BARX2: variants seen among roughly 807,000 people sequenced by gnomAD.
BARX2 encodes BARX homeobox 2, also known as homeobox protein BarH-like 2.
In BARX2, 11 loss-of-function variants were observed where a neutral mutation model predicts 25.5. The observed-to-expected ratio is 0.43, with a 90% CI of 0.27 to 0.71. The LOEUF is 0.71. Ranked by LOEUF, BARX2 falls within the 30% of genes least tolerant of loss-of-function variation. BARX2 has a pLI of 0.19. For synonymous variants in BARX2, 137 were observed against 149.5 expected, an observed-to-expected ratio of 0.92 and a Z score of 0.61; for missense variants, 360 against 359.9, an observed-to-expected ratio of 1.00 and a Z score of 0.00.
At chr11:129,441,458 T>C (rs1862257772) in intron 2 of BARX2, among the ~76,000 whole-genome samples, 1 of 152,180 alleles carries the variant, frequency 6.6e-6, no homozygotes. Context: ...TTTTATTTAT[T>C]TATTTATTTT....
chr11:129,399,432 A>G (rs111641884), intron 1 of BARX2, among the ~76,000 whole-genome samples: 227 of 152,186 alleles, frequency 1.5e-3, no homozygotes, highest in African/African-American at 5.3e-3. Flanking sequence ...TCAGTATGTT[A>G]TCCGGGCTGG....
chr11:129,421,942 G>A (rs1310752134), intron 1 of BARX2, among the ~76,000 whole-genome samples: 1 of 151,998 alleles, frequency 6.6e-6, no homozygotes, highest in Non-Finnish European at 1.5e-5. Context: ...ATTCAGTTTG[G>A]ATCACATTGG....
chr11:129,437,043 C>T lies in BARX2; in HGVS notation c.480C>T (p.Thr160=), dbSNP rs142948782. 6 of 1,569,268 alleles carry T rather than the reference C, an allele frequency of 3.8e-6. No individual in the cohort carries two copies. The highest frequency in any genetic ancestry group is 3.5e-5 in the Admixed American group (2 of 56,410). Reference sequence around the variant, plus strand: ...TCCAGAAGCAGAAGTATTTGTCAACCCCAGACAGGTGAGGACGCAGGGAAG... The same window carrying T: ...TCCAGAAGCAGAAGTATTTGTCAACTCCAGACAGGTGAGGACGCAGGGAAG... The part of the protein sequence containing the change: ...KKFQKQKYLS[T]PDRLDLAQSL... Residue 160 remains threonine (T), a synonymous_variant, in exon 2 of 4, where the codon ACC becomes ACT. Transcript: ENST00000281437.
At chr11:129,392,643 G>A (rs554049297) in intron 1 of BARX2, among the ~76,000 whole-genome samples, 60 of 152,092 alleles carry the variant, frequency 3.9e-4, no homozygotes, top group African/African-American at 7.5e-4. Flanking sequence ...ACAGAGTCTC[G>A]CTCTGTTGCC....
At chr11:129,406,262 C>G (rs1175984224) in intron 1 of BARX2, among the ~76,000 whole-genome samples, 2 of 152,180 alleles carry the variant, frequency 1.3e-5, no homozygotes, top group African/African-American at 4.8e-5. Flanking sequence ...TACAGTAATC[C>G]TACAGCAAGT....
intron 1 of BARX2, among the ~76,000 whole-genome samples, chr11:129,422,891 T>C (rs1315520849): frequency 6.6e-6 from 1 of 151,726 alleles, no homozygotes. Flanking sequence ...TTAATAGAGA[T>C]GGGGTTTCAC....
At chr11:129,400,726 G>A (rs1861766820) in intron 1 of BARX2, among the ~76,000 whole-genome samples, 1 of 152,168 alleles carries the variant, frequency 6.6e-6, no homozygotes, top group African/African-American at 2.4e-5. Context: ...TAAGATTGAA[G>A]GCAGGAGAGC....
intron 1 of BARX2, among the ~76,000 whole-genome samples, chr11:129,432,472 A>G (rs1433196440): frequency 6.6e-6 from 1 of 152,262 alleles, no homozygotes; most frequent in East Asian, 1.9e-4. Flanking sequence ...GAAAATTGAC[A>G]TAAAGCGAGA....
At position 129,376,201 on chromosome 11, in the gene BARX2, A is replaced by G. The variant is rs1172414192; in HGVS notation, c.166A>G (p.Lys56Glu). 6.2e-7 allele frequency: 1 copy of G among 1,608,578 alleles called. No homozygotes were observed. Among genetic ancestry groups the G allele is most frequent in the Admixed American group, 1.7e-5 (1 of 59,386 alleles). Residue 56 changes from lysine (K) to glutamate (E), a missense_variant, in exon 1 of 4, where the codon AAG becomes GAG. Physicochemically the swap from Lys to Glu is moderately conservative, Grantham distance 56. Around this residue, in one of 3 missense-constraint regions of BARX2, gnomAD observed 240 missense variants for 228.7 expected, o/e 1.05. Transcript: ENST00000281437. This position sits in a 1 kb window ranked among gnomAD's most constrained non-coding sequence, Gnocchi z 4.2. ...SVCPSLVVRP[K>E]PLHSCTGSPS... ...GTGCCCGTCGCTGGTCGTGCGACCC[A>G]AGCCCCTGCATTCCTGTACGGGTAA...
chr11:129,415,175 G>C (rs1257153559), intron 1 of BARX2, among the ~76,000 whole-genome samples: 1 of 152,112 alleles, frequency 6.6e-6, no homozygotes, highest in Non-Finnish European at 1.5e-5. Flanking sequence ...CCCTATGATA[G>C]GTCCTGTAAT....
chr11:129,451,246 C>A lies in BARX2; in HGVS notation c.684C>A (p.Ala228=). 6.2e-7 allele frequency: 1 copy of A among 1,614,112 alleles called. No individual in the cohort carries two copies. The highest frequency in any genetic ancestry group is 8.5e-7 in the Non-Finnish European group (1 of 1,180,012). ...CTGAAGAGAAGATGAACAGCCAGGC[C>A]CAGGGTCAGGAGCAGCTGGAGCCCT... ...IEAEEKMNSQ[A]QGQEQLEPSQ... is the part of the protein sequence containing the mutation. Residue 228 remains alanine (A), a synonymous_variant, in exon 4 of 4, where the codon GCC becomes GCA. Transcript: ENST00000281437.
At position 129,375,862 on chromosome 11, in the gene BARX2, A is replaced by T. The variant is rs1408422738; in HGVS notation, c.-174A>T. 2 of 170,136 alleles carry T rather than the reference A, an allele frequency of 1.2e-5. No homozygotes were observed. The highest frequency in any genetic ancestry group is 2.4e-5 in the Non-Finnish European group (2 of 84,716). The allele number at this position is 170,136 out of a possible 1,614,324, so 10.5% of individuals were successfully genotyped here. A position where few individuals can be genotyped will look rare whatever the true frequency, so the allele number is the denominator to read the frequency against. Reference sequence around the variant, plus strand: ...GATGCTGATCTGCGGGTGGGTCTAGACGCGCGGCAGGCGCGCCCGCTACCC... The same window carrying T: ...GATGCTGATCTGCGGGTGGGTCTAGTCGCGCGGCAGGCGCGCCCGCTACCC... On this transcript the variant is annotated 5_prime_UTR_variant, in exon 1 of 4. Transcript: ENST00000281437. The surrounding 1 kb of genome is among the most constrained non-coding windows in gnomAD (Gnocchi z 4.0).
At chr11:129,387,064 T>C (rs1340994112) in intron 1 of BARX2, among the ~76,000 whole-genome samples, 2 of 152,204 alleles carry the variant, frequency 1.3e-5, no homozygotes, top group Admixed American at 6.5e-5. Flanking sequence ...GTTCAGACTT[T>C]CGCGGGTTAC....
Position 129,436,575 on chromosome 11 carries a change from G to A in BARX2, c.188-176G>A. 3.0e-6 allele frequency: 2 copies of A among 674,536 alleles called. No individual in the cohort carries two copies. Among genetic ancestry groups the A allele is most frequent in the Admixed American group, 5.0e-5 (2 of 40,220 alleles). The allele number at this position is 674,536 out of a possible 1,614,324, so 41.8% of individuals were successfully genotyped here. A position where few individuals can be genotyped will look rare whatever the true frequency, so the allele number is the denominator to read the frequency against. ...CACACAGAGCAGAGCAGACCTCTGT[G>A]CCTGCCCTGCAGCTGTAGGTCTTGA... On this transcript the variant is annotated intron_variant, in intron 1 of 3. Coordinates refer to ENST00000281437, the MANE Select transcript of BARX2 (RefSeq NM_003658.5). The surrounding 1 kb of genome is among the most constrained non-coding windows in gnomAD (Gnocchi z 4.5).
chr11:129,451,489 AGCCC>A lies in BARX2; in HGVS notation c.*88_*91del. ...GAGTAGGGAGAGAAAACCTTCCAGC[AGCCC>A]AGTAAACTGCGGGCGAAGAGATCTA... On this transcript the variant is annotated 3_prime_UTR_variant, in exon 4 of 4. Coordinates refer to ENST00000281437, the MANE Select transcript of BARX2 (RefSeq NM_003658.5). 1 of 1,466,478 alleles carries A rather than the reference AGCCC, an allele frequency of 6.8e-7. No individual in the cohort carries two copies. The highest frequency in any genetic ancestry group is 1.3e-5 in the South Asian group (1 of 74,514). The allele number at this position is 1,466,478 out of a possible 1,614,324, so 90.8% of individuals were successfully genotyped here.
At chr11:129,416,806 C>T (rs192709869) in intron 1 of BARX2, among the ~76,000 whole-genome samples, 2 of 150,996 alleles carry the variant, frequency 1.3e-5, no homozygotes, top group African/African-American at 2.4e-5. Context: ...TGGTGTAATT[C>T]GGCTGCTGCT....
chr11:129,378,067 C>T lies in BARX2; in HGVS notation c.187+1845C>T, dbSNP rs1861521908. ...TTGTGAGTGTTATAAGTGAAATGCA[C>T]GTATTTCACAGACTTAAGTGTTGCT... On this transcript the variant is annotated intron_variant, in intron 1 of 3. Coordinates refer to ENST00000281437, the MANE Select transcript of BARX2 (RefSeq NM_003658.5). Among the ~76,000 whole-genome samples, 6 of 152,296 alleles carry T rather than the reference C, an allele frequency of 3.9e-5. No individual in the cohort carries two copies. In the South Asian group the frequency reaches 1.2e-3, roughly 32 times the overall value.
intron 1 of BARX2, among the ~76,000 whole-genome samples, chr11:129,435,603 C>A (rs532966568): frequency 6.6e-6 from 1 of 152,158 alleles, no homozygotes; most frequent in South Asian, 2.1e-4. Context: ...TGGGTCTTCT[C>A]CATTTTCATC....
chr11:129,427,156 C>T, intron 1 of BARX2, among the ~76,000 whole-genome samples: 1 of 152,194 alleles, frequency 6.6e-6, no homozygotes, highest in South Asian at 2.1e-4. Flanking sequence ...AGAAAGGGAA[C>T]CAAGTGCCCC....
Sources: gnomAD v4.1 joint callset for allele counts (sites outside exome capture counted in the v4.1 genomes callset) on GRCh38, gnomAD v4.1.1 for gene constraint, gnomAD v4.1.1 regional missense constraint, Gnocchi (gnomAD v3.1) non-coding constraint, MANE v1.5 for transcripts, NCBI Gene and HGNC (gene_info 2026-07-23, HGNC 2026-07-21) for gene names.